PHLDB1: variants seen among roughly 807,000 people sequenced by gnomAD.
PHLDB1 encodes the protein pleckstrin homology-like domain family B member 1.
A neutral mutation model predicts 139.3 loss-of-function variants in PHLDB1; 65 were observed. The observed-to-expected ratio is 0.47, with a 90% CI of 0.38 to 0.57. The LOEUF is 0.57. Among genes scored for constraint, PHLDB1 ranks in the 20% least tolerant of loss-of-function variants. The pLI is 0.00. For synonymous variants in PHLDB1, 679 were observed against 734.5 expected, an observed-to-expected ratio of 0.92 and a Z score of 1.22; for missense variants, 1,624 against 1,839.7, an observed-to-expected ratio of 0.88 and a Z score of 2.14.
Position 118,610,193 on chromosome 11 carries a change from A to G in PHLDB1, c.-22+2494A>G, listed in dbSNP as rs1405794490. The stretch of plus-strand genomic sequence containing the variant: ...CCCTCCCCAGCTTGCATTTTTTCCC[A>G]TCTCTTAGTCTGCCTTTCATTTTCC... On this transcript the variant is annotated intron_variant, in intron 1 of 22. Transcript: ENST00000600882. The surrounding 1 kb of genome is among the most constrained non-coding windows in gnomAD (Gnocchi z 8.7). Among the ~76,000 whole-genome samples, 1 of 136,894 alleles carries G rather than the reference A, an allele frequency of 7.3e-6. No individual in the cohort carries two copies. Among genetic ancestry groups the G allele is most frequent in the Non-Finnish European group, 1.6e-5 (1 of 63,238 alleles). 89.8% of individuals were successfully genotyped at this position (136,894 alleles called of 152,430 possible). A position where few individuals can be genotyped will look rare whatever the true frequency, so the allele number is the denominator to read the frequency against.
chr11:118,641,749 T>A (rs990510053), intron 12 of PHLDB1: 3 of 1,289,646 alleles, frequency 2.3e-6, no homozygotes, highest in Non-Finnish European at 3.0e-6. Context: ...CATGCTGCCC[T>A]CCTCCTCGTT....
chr11:118,644,906 G>C, intron 15 of PHLDB1: 1 of 270,472 alleles, frequency 3.7e-6, no homozygotes, highest in Non-Finnish European at 7.4e-6. Context: ...TGCGTTTGTT[G>C]CTTTTGCTTC....
chr11:118,613,700 T>A (rs137897057), intron 1 of PHLDB1, 116 bp from the exon 2 acceptor site: 1 of 650,454 alleles, frequency 1.5e-6, no homozygotes, highest in African/African-American at 1.8e-5. Flanking sequence ...GCATGAGCAT[T>A]TGGGGAATGA....
intron 18 of PHLDB1, among the ~76,000 whole-genome samples, 167 bp downstream of exon 18, chr11:118,648,243 A>C (rs1269923062): frequency 1.3e-5 from 2 of 150,872 alleles, no homozygotes; most frequent in Non-Finnish European, 2.9e-5. Context: ...ATTGACCCCA[A>C]AACAGACCCA....
intron 4 of PHLDB1, among the ~76,000 whole-genome samples, chr11:118,618,574 G>A (rs1942133536): frequency 6.6e-6 from 1 of 152,072 alleles, no homozygotes; most frequent in Non-Finnish European, 1.5e-5. Flanking sequence ...CGATCAGTGT[G>A]TTCAAGTGGG....
At chr11:118,631,081 C>T in intron 6 of PHLDB1, 126 bp from the exon 7 acceptor site, 1 of 837,164 alleles carries the variant, frequency 1.2e-6, no homozygotes, top group South Asian at 4.2e-5. Context: ...CCTCTCCTGA[C>T]TTGACACTGA....
chr11:118,632,276 A>T lies in PHLDB1; in HGVS notation c.2359A>T (p.Ile787Phe). ...GAAGCTGGTGGCCTTGGAGACAGGC[A>T]TCCAGAAGGAGAGGGACAAGGTAAC... ...QEKLVALETG[I>F]QKERDKEAEA... The change falls in exon 9 of 23, where the codon ATC becomes TTC. Residue 787 changes from isoleucine (I) to phenylalanine (F), a missense_variant. Physicochemically the swap from Ile to Phe is conservative, Grantham distance 21. Transcript: ENST00000600882. The surrounding 1 kb of genome is among the most constrained non-coding windows in gnomAD (Gnocchi z 5.9). 1 of 1,613,110 alleles carries T rather than the reference A, an allele frequency of 6.2e-7. No individual in the cohort carries two copies. Among genetic ancestry groups the T allele is most frequent in the South Asian group, 1.1e-5 (1 of 91,024 alleles).
Position 118,635,469 on chromosome 11 carries a change from T to G in PHLDB1, c.2456T>G (p.Val819Gly). 6.2e-7 allele frequency: 1 copy of G among 1,611,390 alleles called. No individual in the cohort carries two copies. Among genetic ancestry groups the G allele is most frequent in the South Asian group, 1.1e-5 (1 of 90,580 alleles). The change falls in exon 10 of 23, where the codon GTG (valine) becomes GGG (glycine). Residue 819 changes from valine (V) to glycine (G), a missense_variant. Physicochemically the swap from Val to Gly is moderately radical, Grantham distance 109. Coordinates refer to ENST00000600882, the MANE Select transcript of PHLDB1 (RefSeq NM_001144758.3). ...CAGCAGTTGGAGCGGGAGAGCCGCGTGGAGGAGGAGCGCGAGCTGGCCGGC... is the reference window on the plus strand; with the variant it reads ...CAGCAGTTGGAGCGGGAGAGCCGCGGGGAGGAGGAGCGCGAGCTGGCCGGC... Reference protein sequence around the residue: ...EFQQLERESRVEEERELAGQG... With the variant: ...EFQQLERESRGEEERELAGQG...
intron 5 of PHLDB1, 68 bp downstream of exon 5, chr11:118,625,127 T>C (rs976565270): frequency 2.0e-6 from 3 of 1,510,762 alleles, no homozygotes; most frequent in Non-Finnish European, 2.6e-6. Context: ...CCTTGCTCAC[T>C]TCAGCCACAC....
At chr11:118,628,688 CAG>C in intron 6 of PHLDB1, 38 bp downstream of exon 6, 1 of 1,570,248 alleles carries the variant, frequency 6.4e-7, no homozygotes, top group Non-Finnish European at 8.6e-7. Flanking sequence ...CTGTCCATGG[CAG>C]AGTCTCTGCC....
chr11:118,630,028 G>GTT lies in PHLDB1; in HGVS notation c.1828-1162_1828-1161dup, dbSNP rs10578316. The GTT allele has an allele frequency of 4.5e-3, 5,329 of 1,185,304 alleles. 15 individuals are homozygous for GTT. The highest frequency in any genetic ancestry group is 0.01 in the South Asian group (746 of 73,058). 73.4% of individuals were successfully genotyped at this position (1,185,304 alleles called of 1,614,324 possible). Reference sequence around the variant, plus strand: ...TCCCAGGTGCCGAGGCTCTGTTCCGGTTTTTTTTTTTTTTTTTTGCCATGG... The same window carrying GTT: ...TCCCAGGTGCCGAGGCTCTGTTCCGGTTTTTTTTTTTTTTTTTTTTGCCATGG... On this transcript the variant is annotated intron_variant, in intron 6 of 22. Coordinates refer to ENST00000600882, the MANE Select transcript of PHLDB1 (RefSeq NM_001144758.3).
rs1404970025 is a variant in PHLDB1 at position 118,608,636 on chromosome 11, T to C, written c.-22+937T>C. Among the ~76,000 whole-genome samples the C allele has an allele frequency of 3.3e-5, 5 of 151,840 alleles. No homozygotes were observed. Among genetic ancestry groups the C allele is most frequent in the Non-Finnish European group, 5.9e-5 (4 of 67,938 alleles). Reference sequence around the variant, plus strand: ...GAGGCTGACTCATCGGGCGGCGGGCTCACCCCCCAGCCGTCAAACGCAAAC... The same window carrying C: ...GAGGCTGACTCATCGGGCGGCGGGCCCACCCCCCAGCCGTCAAACGCAAAC... On this transcript the variant is annotated intron_variant, in intron 1 of 22. Coordinates refer to ENST00000600882, the MANE Select transcript of PHLDB1 (RefSeq NM_001144758.3). This position sits in a 1 kb window ranked among gnomAD's most constrained non-coding sequence, Gnocchi z 6.7.
intron 4 of PHLDB1, 98 bp from the exon 5 acceptor site, chr11:118,624,836 C>T: frequency 7.7e-7 from 1 of 1,292,298 alleles, no homozygotes; most frequent in Non-Finnish European, 1.1e-6. Flanking sequence ...TCTCCAACTC[C>T]CGACCTCAGG....
chr11:118,629,777 G>A (rs1190811382), intron 6 of PHLDB1, among the ~76,000 whole-genome samples: 1 of 152,174 alleles, frequency 6.6e-6, no homozygotes, highest in Non-Finnish European at 1.5e-5. Flanking sequence ...TCATCCTGGA[G>A]AGGGGGCAGT....
Position 118,608,805 on chromosome 11 carries a change from T to TA in PHLDB1, c.-22+1107dup, listed in dbSNP as rs1555081069. Reference sequence around the variant, plus strand: ...AGGCCTTCCCACGCACTCCATGCCTTACGCCTCACAGGAAAGCGCCCCGCG... The same window carrying TA: ...AGGCCTTCCCACGCACTCCATGCCTTAACGCCTCACAGGAAAGCGCCCCGCG... On this transcript the variant is annotated intron_variant, in intron 1 of 22. Transcript: ENST00000600882. This position sits in a 1 kb window ranked among gnomAD's most constrained non-coding sequence, Gnocchi z 6.7. 6.6e-6 allele frequency among the ~76,000 whole-genome samples: 1 copy of TA among 151,606 alleles called. No homozygotes were observed. The highest frequency in any genetic ancestry group is 1.9e-4 in the East Asian group (1 of 5,156).
In PHLDB1 at chr11:118,608,131, G is replaced by A. The variant is rs1331892037; in HGVS notation, c.-22+432G>A. ...TCCGCCCACAGCAGGACCTTGGGGC[G>A]GGGGTATCTCCTGTGACGTCTCCCC... On this transcript the variant is annotated intron_variant, in intron 1 of 22. Coordinates refer to ENST00000600882, the MANE Select transcript of PHLDB1 (RefSeq NM_001144758.3). The surrounding 1 kb of genome is among the most constrained non-coding windows in gnomAD (Gnocchi z 6.7). Among the ~76,000 whole-genome samples the A allele has an allele frequency of 2.6e-5, 4 of 152,028 alleles. No homozygotes were observed. The highest frequency in any genetic ancestry group is 9.7e-5 in the African/African-American group (4 of 41,408).
Position 118,632,399 on chromosome 11 carries a change from C to A in PHLDB1, c.2379+103C>A. ...TGTACCCTTCACCTCATCATCCATTCTGCAGTACAAGTGGTCTCTGTGGCT... is the reference window on the plus strand; with the variant it reads ...TGTACCCTTCACCTCATCATCCATTATGCAGTACAAGTGGTCTCTGTGGCT... On this transcript the variant is annotated intron_variant, in intron 9 of 22. Transcript: ENST00000600882. This position sits in a 1 kb window ranked among gnomAD's most constrained non-coding sequence, Gnocchi z 5.9. 1 of 1,194,894 alleles carries A rather than the reference C, an allele frequency of 8.4e-7. No homozygotes were observed. The highest frequency in any genetic ancestry group is 1.4e-5 in the South Asian group (1 of 71,784). The allele number at this position is 1,194,894 out of a possible 1,614,324, so 74.0% of individuals were successfully genotyped here. A position where few individuals can be genotyped will look rare whatever the true frequency, so the allele number is the denominator to read the frequency against.
At chr11:118,609,764 G>A (rs575102577) in intron 1 of PHLDB1, among the ~76,000 whole-genome samples, 2 of 152,334 alleles carry the variant, frequency 1.3e-5, no homozygotes, top group Admixed American at 1.3e-4. Flanking sequence ...CCAACACTGC[G>A]GCCTTGTCCC....
chr11:118,626,945 G>A (rs1005752922), intron 5 of PHLDB1: 11 of 259,214 alleles, frequency 4.2e-5, no homozygotes, highest in Admixed American at 5.6e-5. Flanking sequence ...GTGAGCCACC[G>A]TGCCTGGCCT....
Sources: allele counts gnomAD v4.1 joint callset (sites outside exome capture counted in the v4.1 genomes callset), GRCh38; gene constraint gnomAD v4.1.1; non-coding constraint Gnocchi (gnomAD v3.1); transcripts MANE v1.5; gene names NCBI Gene and HGNC (gene_info 2026-07-23, HGNC 2026-07-21).